The following SNTG1 variants were observed in gnomAD, a reference collection of about 807,000 sequenced individuals.
SNTG1 encodes the protein gamma-1-syntrophin.
In SNTG1, 39 loss-of-function variants were observed where a neutral mutation model predicts 74.7. The observed-to-expected ratio is 0.52, with a 90% CI of 0.40 to 0.68. SNTG1 has a LOEUF of 0.68. SNTG1 is among the 30% of genes least tolerant of loss of function. The pLI is 0.00. For synonymous variants in SNTG1, 254 were observed against 217.1 expected, an observed-to-expected ratio of 1.17 and a Z score of -1.49; for missense variants, 685 against 609.5, an observed-to-expected ratio of 1.12 and a Z score of -1.30.
intron 1 of SNTG1, among the ~76,000 whole-genome samples, chr8:50,126,554 C>A (rs568035569): frequency 6.6e-6 from 1 of 151,912 alleles, no homozygotes; most frequent in East Asian, 1.9e-4. Flanking sequence ...CAATCACCAA[C>A]ATTGGGACAT....
intron 12 of SNTG1, among the ~76,000 whole-genome samples, chr8:50,559,147 G>A (rs866830520): frequency 6.6e-6 from 1 of 152,044 alleles, no homozygotes; most frequent in African/African-American, 2.4e-5. Flanking sequence ...GATGTCAGAA[G>A]GAGTAAATAG....
chr8:50,492,714 C>T (rs563134768), intron 8 of SNTG1, among the ~76,000 whole-genome samples: 2 of 152,264 alleles, frequency 1.3e-5, no homozygotes, highest in African/African-American at 4.8e-5. Context: ...GTTTCTTTGG[C>T]TGTGCAGAAG....
At chr8:50,562,844 T>C (rs1209567657) in intron 12 of SNTG1, among the ~76,000 whole-genome samples, 1 of 152,170 alleles carries the variant, frequency 6.6e-6, no homozygotes, top group East Asian at 1.9e-4. Context: ...CCAGTGCAAA[T>C]CAGCCTATAG....
chr8:50,023,398 G>A (rs566266861), intron 1 of SNTG1, among the ~76,000 whole-genome samples: 1 of 152,050 alleles, frequency 6.6e-6, no homozygotes, highest in African/African-American at 2.4e-5. Context: ...CATCAAGAAG[G>A]GCAGATTTAT....
At chr8:50,000,653 G>A (rs1814658117) in intron 1 of SNTG1, among the ~76,000 whole-genome samples, 2 of 152,156 alleles carry the variant, frequency 1.3e-5, no homozygotes, top group Admixed American at 1.3e-4. Context: ...CTCCTTGGCT[G>A]CAATAATTGA....
At chr8:50,700,214 T>C (rs1193992610) in intron 15 of SNTG1, among the ~76,000 whole-genome samples, 1 of 152,228 alleles carries the variant, frequency 6.6e-6, no homozygotes, top group East Asian at 1.9e-4. Flanking sequence ...TGCCAGTCTC[T>C]AAGAGTATCT....
rs117918928 is a variant in SNTG1, at chr8:50,775,560, A to C, written c.1396-17111A>C. ...ATGCCCCCAGTATGGTCAAGTTTCT[A>C]CAGAAACTTGCAAATAATGTATATT... is the stretch of plus-strand genomic sequence containing the variant. On this transcript the variant is annotated intron_variant, in intron 18 of 18. Coordinates refer to ENST00000642720, the MANE Select transcript of SNTG1 (RefSeq NM_018967.5). Among the ~76,000 whole-genome samples, 928 of 151,788 alleles carry C rather than the reference A, an allele frequency of 6.1e-3. 42 individuals carry two copies. In the East Asian group the frequency reaches 0.085, roughly 14 times the overall value.
At chr8:50,306,942 A>G (rs1476394237) in intron 2 of SNTG1, among the ~76,000 whole-genome samples, 1 of 151,790 alleles carries the variant, frequency 6.6e-6, no homozygotes, top group Admixed American at 6.6e-5. Context: ...TTAAAATTAT[A>G]TCTGTTTTTA....
intron 2 of SNTG1, among the ~76,000 whole-genome samples, chr8:50,393,424 TC>T (rs1243624186): frequency 1.3e-5 from 2 of 152,196 alleles, no homozygotes; most frequent in Non-Finnish European, 2.9e-5. Context: ...AATTAATCAT[TC>T]ATCTTACTTT....
intron 8 of SNTG1, among the ~76,000 whole-genome samples, chr8:50,475,739 A>C (rs183982216): frequency 2.0e-5 from 3 of 152,332 alleles, no homozygotes; most frequent in Admixed American, 6.5e-5. Context: ...TTCCAAAAAA[A>C]ATCATTTTAG....
intron 2 of SNTG1, among the ~76,000 whole-genome samples, chr8:50,185,974 A>G (rs996497056): frequency 6.6e-6 from 1 of 151,952 alleles, no homozygotes; most frequent in Non-Finnish European, 1.5e-5. Flanking sequence ...TTCATTAAGT[A>G]TTTGCCCTAA....
intron 13 of SNTG1, among the ~76,000 whole-genome samples, chr8:50,620,328 CT>C (rs2131039496): frequency 6.6e-6 from 1 of 152,282 alleles, no homozygotes; most frequent in South Asian, 2.1e-4. Context: ...GATTCTTCTG[CT>C]TTCCTCTCCC....
intron 18 of SNTG1, among the ~76,000 whole-genome samples, chr8:50,772,003 A>G (rs2095628437): frequency 6.6e-6 from 1 of 152,160 alleles, no homozygotes; most frequent in African/African-American, 2.4e-5. Flanking sequence ...GCCCAGGCAG[A>G]GACTTGTCAC....
intron 18 of SNTG1, among the ~76,000 whole-genome samples, chr8:50,754,346 A>G (rs917538281): frequency 6.6e-6 from 1 of 151,992 alleles, no homozygotes; most frequent in Non-Finnish European, 1.5e-5. Context: ...GTTTCTCTAC[A>G]TCCCTGCAAG....
At chr8:50,178,401 G>A (rs1180526387) in intron 2 of SNTG1, among the ~76,000 whole-genome samples, 3 of 144,598 alleles carry the variant, frequency 2.1e-5, no homozygotes, top group South Asian at 2.2e-4. Context: ...CTTCACACAC[G>A]TGCGCGCGCA....
intron 8 of SNTG1, among the ~76,000 whole-genome samples, chr8:50,500,846 G>A (rs191761399): frequency 6.6e-6 from 1 of 152,262 alleles, no homozygotes; most frequent in African/African-American, 2.4e-5. Context: ...CCAGGTCAGT[G>A]CTGGTTATGG....
intron 1 of SNTG1, among the ~76,000 whole-genome samples, chr8:49,989,297 A>G (rs1413317625): frequency 6.6e-6 from 1 of 151,964 alleles, no homozygotes; most frequent in Non-Finnish European, 1.5e-5. Flanking sequence ...ATTAAAGAGA[A>G]TGATAAATTA....
intron 8 of SNTG1, among the ~76,000 whole-genome samples, chr8:50,462,555 T>C (rs2093573191): frequency 6.6e-6 from 1 of 152,182 alleles, no homozygotes; most frequent in South Asian, 2.1e-4. Flanking sequence ...TTTAATAGCA[T>C]TTTGAACTTC....
At chr8:50,496,286 C>T (rs1261585549) in intron 8 of SNTG1, among the ~76,000 whole-genome samples, 1 of 152,172 alleles carries the variant, frequency 6.6e-6, no homozygotes, top group African/African-American at 2.4e-5. Flanking sequence ...ACTTGATTCC[C>T]TGACATCATA....
Sources: gnomAD v4.1 joint callset for allele counts (sites outside exome capture counted in the v4.1 genomes callset) on GRCh38, gnomAD v4.1.1 for gene constraint, MANE v1.5 for transcripts, NCBI Gene and HGNC (gene_info 2026-07-23, HGNC 2026-07-21) for gene names.